The following TAF10 variants were observed in gnomAD, a reference collection of about 807,000 sequenced individuals.
TAF10 encodes transcription initiation factor TFIID subunit 10.
TAF10 carries 2 observed loss-of-function variants against 18.1 expected under a neutral mutation model. That is an observed-to-expected ratio of 0.11 (90% confidence interval 0.05 to 0.35). TAF10 has a LOEUF of 0.35. Among genes scored for constraint, TAF10 ranks in the 10% least tolerant of loss-of-function variants. TAF10 has a pLI of 1.00. For missense variants in TAF10, 293 were observed against 306.9 expected (o/e 0.95, Z 0.34); for synonymous variants, 158 against 134.6 (o/e 1.17, Z -1.20).
chr11:6,608,737 A>G lies in TAF10; in HGVS notation c.*2185T>C, dbSNP rs776660725. 7 of 1,614,150 alleles carry G rather than the reference A, an allele frequency of 4.3e-6. No individual in the cohort carries two copies. The highest frequency in any genetic ancestry group is 5.9e-6 in the Non-Finnish European group (7 of 1,180,004). On this transcript the variant is annotated 3_prime_UTR_variant, in exon 5 of 5. Transcript: ENST00000299424. This position sits in a 1 kb window ranked among gnomAD's most constrained non-coding sequence, Gnocchi z 4.9. ...GCCCTTGTCAGCATCTGTAACAAGT[A>G]TGGAGAGATGCCTGTGGACAAAGCC...
chr11:6,610,629 CTGA>C lies in TAF10; in HGVS notation c.*290_*292del. Reference sequence around the variant, plus strand: ...ACAAGTAGGACTGGAAGGTCCTTGCCTGAACTCCAGAGGTGTCGGGACATGGTT... The same window carrying C: ...ACAAGTAGGACTGGAAGGTCCTTGCCACTCCAGAGGTGTCGGGACATGGTT... On this transcript the variant is annotated 3_prime_UTR_variant, in exon 5 of 5. Transcript: ENST00000299424. 1 of 1,614,078 alleles carries C rather than the reference CTGA, an allele frequency of 6.2e-7. No individual in the cohort carries two copies. The highest frequency in any genetic ancestry group is 8.5e-7 in the Non-Finnish European group (1 of 1,179,962).
chr11:6,608,500 A>G lies in TAF10; in HGVS notation c.*2422T>C. ...GATCAAGTGGCAGAGGTGAGTACTC[A>G]GCCCTTAATTCCTGAGATGGGTAGG... On this transcript the variant is annotated 3_prime_UTR_variant, in exon 5 of 5. Transcript: ENST00000299424. The surrounding 1 kb of genome is among the most constrained non-coding windows in gnomAD (Gnocchi z 4.9). 3 of 1,597,466 alleles carry G rather than the reference A, an allele frequency of 1.9e-6. No homozygotes were observed. Among genetic ancestry groups the G allele is most frequent in the Non-Finnish European group, 2.6e-6 (3 of 1,164,778 alleles).
chr11:6,610,207 G>A lies in TAF10; in HGVS notation c.*715C>T. The A allele has an allele frequency of 6.2e-7, 1 of 1,614,248 alleles. No individual in the cohort carries two copies. The highest frequency in any genetic ancestry group is 8.5e-7 in the Non-Finnish European group (1 of 1,180,040). On this transcript the variant is annotated 3_prime_UTR_variant, in exon 5 of 5. Transcript: ENST00000299424. ...CTCAGCAGACATGTGGAGTTTTGCA[G>A]TGCTTCTGTGGGAACTGGTGACACG...
rs1473605421 is a variant in TAF10, at chr11:6,607,860, T to C, written c.*3062A>G. The C allele has an allele frequency of 2.6e-5, 16 of 609,398 alleles. No individual in the cohort carries two copies. The highest frequency in any genetic ancestry group is 4.4e-5 in the Non-Finnish European group (15 of 341,912). 37.7% of individuals were successfully genotyped at this position (609,398 alleles called of 1,614,324 possible). ...AGAGGTTGTTGAGATATCTAGGTGG[T>C]TGGTTTGGTTTGAAGCTCAGGGGAA... is the stretch of plus-strand genomic sequence containing the variant. On this transcript the variant is annotated 3_prime_UTR_variant, in exon 5 of 5. Coordinates refer to ENST00000299424, the MANE Select transcript of TAF10 (RefSeq NM_006284.4).
At position 6,607,234 on chromosome 11, in the gene TAF10, C is replaced by G. The variant is rs1159494115; in HGVS notation, c.*3688G>C. 1 of 152,210 alleles carries G rather than the reference C, an allele frequency of 6.6e-6. No individual in the cohort carries two copies. Among genetic ancestry groups the G allele is most frequent in the Non-Finnish European group, 1.5e-5 (1 of 68,048 alleles). 9.4% of individuals were successfully genotyped at this position (152,210 alleles called of 1,614,324 possible). ...CCCAGGCTGTCAGGCAGGCCCAGCT[C>G]CAAACCAATTGTTTTGTTTTGTTTG... is the stretch of plus-strand genomic sequence containing the variant. On this transcript the variant is annotated 3_prime_UTR_variant, in exon 5 of 5. Coordinates refer to ENST00000299424, the MANE Select transcript of TAF10 (RefSeq NM_006284.4).
chr11:6,606,803 C>T lies in TAF10; in HGVS notation c.*4119G>A, dbSNP rs1203377152. 1.3e-5 allele frequency: 2 copies of T among 152,144 alleles called. No homozygotes were observed. Among genetic ancestry groups the T allele is most frequent in the Non-Finnish European group, 1.5e-5 (1 of 68,028 alleles). 9.4% of individuals were successfully genotyped at this position (152,144 alleles called of 1,614,324 possible). A position where few individuals can be genotyped will look rare whatever the true frequency, so the allele number is the denominator to read the frequency against. On this transcript the variant is annotated 3_prime_UTR_variant, in exon 5 of 5. Transcript: ENST00000299424. ...GAACCCTTGTGCCCATACTTTTGCC[C>T]CCCGAGTTTGGCCTGCCCTGGCGCC...
chr11:6,609,161 C>T lies in TAF10; in HGVS notation c.*1761G>A. On this transcript the variant is annotated 3_prime_UTR_variant, in exon 5 of 5. Coordinates refer to ENST00000299424, the MANE Select transcript of TAF10 (RefSeq NM_006284.4). The stretch of plus-strand genomic sequence containing the variant: ...AACGAGAATCACTCTGGAGAGGTGA[C>T]CCCTGCCCTTCTTGCCCTTCCCTCA... 1 of 1,612,908 alleles carries T rather than the reference C, an allele frequency of 6.2e-7. No homozygotes were observed. Among genetic ancestry groups the T allele is most frequent in the South Asian group, 1.1e-5 (1 of 91,052 alleles).
chr11:6,607,133 G>GAGGT lies in TAF10; in HGVS notation c.*3788_*3789insACCT, dbSNP rs1261665583. 1.0e-4 allele frequency: 16 copies of GAGGT among 152,430 alleles called. No individual in the cohort carries two copies. Among genetic ancestry groups the GAGGT allele is most frequent in the Admixed American group, 1.0e-3 (16 of 15,290 alleles). The allele number at this position is 152,430 out of a possible 1,614,324, so 9.4% of individuals were successfully genotyped here. On this transcript the variant is annotated 3_prime_UTR_variant, in exon 5 of 5. Coordinates refer to ENST00000299424, the MANE Select transcript of TAF10 (RefSeq NM_006284.4). ...ACACTAAGGCATCCGGAGGCTGCTGGCCCAGACCACGGACCGCCCCCTGCT... is the reference window on the plus strand; with the variant it reads ...ACACTAAGGCATCCGGAGGCTGCTGGAGGTCCCAGACCACGGACCGCCCCCTGCT...
chr11:6,611,156 G>T (rs1319771809), intron 4 of TAF10, 33 bp downstream of exon 4: 5 of 1,604,788 alleles, frequency 3.1e-6, no homozygotes, highest in East Asian at 2.2e-5. Context: ...GTTGTGGAAG[G>T]TAATTACTGA....
Position 6,611,252 on chromosome 11 carries a change from A to G in TAF10, c.504T>C (p.Asn168=), listed in dbSNP as rs1855450268. ...AAQKFISDIA[N]DALQHCKMKG... The stretch of plus-strand genomic sequence containing the variant: ...TCATTTTGCAGTGCTGTAGGGCATC[A>G]TTGGCAATATCTGAGATGAATTTCT... The change falls in exon 4 of 5, where the codon AAT becomes AAC. Residue 168 remains asparagine, a synonymous_variant. Coordinates refer to ENST00000299424, the MANE Select transcript of TAF10 (RefSeq NM_006284.4). 1 of 1,614,108 alleles carries G rather than the reference A, an allele frequency of 6.2e-7. No individual in the cohort carries two copies. Among genetic ancestry groups the G allele is most frequent in the African/African-American group, 1.3e-5 (1 of 75,040 alleles).
Position 6,606,554 on chromosome 11 carries a change from T to C in TAF10, c.*4368A>G, listed in dbSNP as rs1854925552. On this transcript the variant is annotated 3_prime_UTR_variant, in exon 5 of 5. Coordinates refer to ENST00000299424, the MANE Select transcript of TAF10 (RefSeq NM_006284.4). ...AGGCAGTTGCCCAGTGGGCCTAGCA[T>C]CTAGGAAGACTCTAGCTGAGTCTAG... 6.9e-6 allele frequency: 1 copy of C among 144,000 alleles called. No individual in the cohort carries two copies. Among genetic ancestry groups the C allele is most frequent in the African/African-American group, 2.5e-5 (1 of 39,664 alleles). The allele number at this position is 144,000 out of a possible 1,614,324, so 8.9% of individuals were successfully genotyped here.
In TAF10 at chr11:6,609,586, T is replaced by C. The variant is rs749229669; in HGVS notation, c.*1336A>G. On this transcript the variant is annotated 3_prime_UTR_variant, in exon 5 of 5. Transcript: ENST00000299424. ...CCACCTGCTCCTCATCCTACTCTCA[T>C]CACACACTGGATGCCGTATGGATCC... 1 of 1,614,168 alleles carries C rather than the reference T, an allele frequency of 6.2e-7. No individual in the cohort carries two copies.
At position 6,609,544 on chromosome 11, in the gene TAF10, TAG is replaced by T. The variant is rs1371220237; in HGVS notation, c.*1376_*1377del. Reference sequence around the variant, plus strand: ...TCGCATCCAAATGTGCTCCCAGTGCTAGGTGCCTGCCAGTCTCCACCTGCTCC... The same window carrying T: ...TCGCATCCAAATGTGCTCCCAGTGCTGTGCCTGCCAGTCTCCACCTGCTCC... On this transcript the variant is annotated 3_prime_UTR_variant, in exon 5 of 5. Transcript: ENST00000299424. 1 of 1,614,064 alleles carries T rather than the reference TAG, an allele frequency of 6.2e-7. No homozygotes were observed. Among genetic ancestry groups the T allele is most frequent in the African/African-American group, 1.3e-5 (1 of 74,936 alleles).
chr11:6,610,465 G>A lies in TAF10; in HGVS notation c.*457C>T. On this transcript the variant is annotated 3_prime_UTR_variant, in exon 5 of 5. Coordinates refer to ENST00000299424, the MANE Select transcript of TAF10 (RefSeq NM_006284.4). Reference sequence around the variant, plus strand: ...GCTTTTTTTCTTGTATTCGCAGGTGGCATTGGAAGGCCTTCGGCCTACCAT... The same window carrying A: ...GCTTTTTTTCTTGTATTCGCAGGTGACATTGGAAGGCCTTCGGCCTACCAT... The A allele has an allele frequency of 6.2e-7, 1 of 1,614,216 alleles. No homozygotes were observed. Among genetic ancestry groups the A allele is most frequent in the East Asian group, 2.2e-5 (1 of 44,884 alleles).
chr11:6,610,289 A>T lies in TAF10; in HGVS notation c.*633T>A. 6.2e-7 allele frequency: 1 copy of T among 1,614,154 alleles called. No homozygotes were observed. Among genetic ancestry groups the T allele is most frequent in the South Asian group, 1.1e-5 (1 of 91,090 alleles). ...GAGATTGGAATGAAGGTGAGAGCAC[A>T]ACAGCATACATTTGTGTTGCGGGAG... On this transcript the variant is annotated 3_prime_UTR_variant, in exon 5 of 5. Transcript: ENST00000299424.
Position 6,609,695 on chromosome 11 carries a change from TG to T in TAF10, c.*1226del. ...GGAAATGGCAGAGAGGGAGCCTCTCTGAACTATTTGACTTTTGCCTCCTCTC... is the reference window on the plus strand; with the variant it reads ...GGAAATGGCAGAGAGGGAGCCTCTCTAACTATTTGACTTTTGCCTCCTCTC... On this transcript the variant is annotated 3_prime_UTR_variant, in exon 5 of 5. Transcript: ENST00000299424. The T allele has an allele frequency of 6.2e-7, 1 of 1,614,216 alleles. No individual in the cohort carries two copies.
rs533161374 is a variant in TAF10 at position 6,610,379 on chromosome 11, A to G, written c.*543T>C. On this transcript the variant is annotated 3_prime_UTR_variant, in exon 5 of 5. Coordinates refer to ENST00000299424, the MANE Select transcript of TAF10 (RefSeq NM_006284.4). ...TCCTCACATATTTGTTCGGATATACAGTAATCCTGTCCCAAGGGCCAGTGG... is the reference window on the plus strand; with the variant it reads ...TCCTCACATATTTGTTCGGATATACGGTAATCCTGTCCCAAGGGCCAGTGG... 5.0e-6 allele frequency: 8 copies of G among 1,613,008 alleles called. No individual in the cohort carries two copies. In the African/African-American group the frequency reaches 8.0e-5, roughly 16 times the overall value.
rs1484342272 is a variant in TAF10, at chr11:6,606,771, G to A, written c.*4151C>T. 6.6e-6 allele frequency: 1 copy of A among 152,200 alleles called. No individual in the cohort carries two copies. The highest frequency in any genetic ancestry group is 1.9e-4 in the East Asian group (1 of 5,194). The allele number at this position is 152,200 out of a possible 1,614,324, so 9.4% of individuals were successfully genotyped here. On this transcript the variant is annotated 3_prime_UTR_variant, in exon 5 of 5. Coordinates refer to ENST00000299424, the MANE Select transcript of TAF10 (RefSeq NM_006284.4). ...CCCTGAGGTGGCAGGCAGCCTGATA[G>A]TGAACAGAACCCTTGTGCCCATACT...
rs1855383978 is a variant in TAF10 at position 6,610,397 on chromosome 11, G to A, written c.*525C>T. On this transcript the variant is annotated 3_prime_UTR_variant, in exon 5 of 5. Coordinates refer to ENST00000299424, the MANE Select transcript of TAF10 (RefSeq NM_006284.4). ...GATATACAGTAATCCTGTCCCAAGGGCCAGTGGCTTCTCTCTACATGACAG... is the reference window on the plus strand; with the variant it reads ...GATATACAGTAATCCTGTCCCAAGGACCAGTGGCTTCTCTCTACATGACAG... 4 of 1,613,100 alleles carry A rather than the reference G, an allele frequency of 2.5e-6. No individual in the cohort carries two copies. Among genetic ancestry groups the A allele is most frequent in the Admixed American group, 1.7e-5 (1 of 60,010 alleles).
Sources: gnomAD v4.1 joint callset for allele counts on GRCh38, gnomAD v4.1.1 for gene constraint, Gnocchi (gnomAD v3.1) non-coding constraint, MANE v1.5 for transcripts, NCBI Gene and HGNC (gene_info 2026-07-23, HGNC 2026-07-21) for gene names.